The following IL1RAPL2 variants were observed in gnomAD, a reference collection of about 807,000 sequenced individuals.
The protein encoded by IL1RAPL2 is X-linked interleukin-1 receptor accessory protein-like 2.
A neutral mutation model predicts 44.1 loss-of-function variants in IL1RAPL2; 3 were observed. The ratio of observed to expected loss-of-function variants is 0.07; its 90% confidence interval spans 0.03 to 0.18. The LOEUF (loss-of-function observed/expected upper bound fraction) is 0.18. Ranked by LOEUF, IL1RAPL2 falls within the 10% of genes least tolerant of loss-of-function variation. The pLI is 1.00. For missense variants in IL1RAPL2, 391 were observed against 496.4 expected, an observed-to-expected ratio of 0.79 and a Z score of 2.02; for synonymous variants, 181 against 178.8, an observed-to-expected ratio of 1.01 and a Z score of -0.10.
chrX:105,704,367 G>A (rs2038145256), intron 6 of IL1RAPL2, among the ~76,000 whole-genome samples: 1 of 111,279 alleles, frequency 9.0e-6, no homozygotes, highest in Admixed American at 9.6e-5. Context: ...TAAGATATCT[G>A]CGTAATATAT....
chrX:104,862,011 C>T lies in IL1RAPL2; in HGVS notation c.82+203016C>T, dbSNP rs188396865. Among the ~76,000 whole-genome samples the T allele has an allele frequency of 3.3e-3, 363 of 110,156 alleles. 2 individuals carry two copies. Among genetic ancestry groups the T allele is most frequent in the Non-Finnish European group, 5.1e-3 (269 of 52,660 alleles). ...AATAGGAGTTTGTTAGGCAGACAAA[C>T]GGAAGGGGGAGGCATTCTAGGCATA... On this transcript the variant is annotated intron_variant, in intron 2 of 10. Transcript: ENST00000372582.
chrX:104,590,784 AT>A (rs1429407261), intron 1 of IL1RAPL2, among the ~76,000 whole-genome samples: 1 of 111,949 alleles, frequency 8.9e-6, no homozygotes, highest in Non-Finnish European at 1.9e-5. Context: ...AAAAAGAAAG[AT>A]TGTTTTAGAT....
intron 2 of IL1RAPL2, among the ~76,000 whole-genome samples, chrX:105,027,423 T>A (rs977448596): frequency 2.7e-5 from 3 of 111,286 alleles, no homozygotes; most frequent in African/African-American, 9.8e-5. Context: ...AAACTACCCA[T>A]CTGAGAAGGA....
Position 105,000,887 on chromosome X carries a change from T to C in IL1RAPL2, c.83-194588T>C, listed in dbSNP as rs775708574. Among the ~76,000 whole-genome samples, 3 of 111,366 alleles carry C rather than the reference T, an allele frequency of 2.7e-5. No homozygotes were observed. In the South Asian group the frequency reaches 1.1e-3, roughly 42 times the overall value. ...TCCAGATATAATGAGAATTTTGGCTTGCTGCCTTCCTGCCTTCAGCCTCCA... is the reference window on the plus strand; with the variant it reads ...TCCAGATATAATGAGAATTTTGGCTCGCTGCCTTCCTGCCTTCAGCCTCCA... On this transcript the variant is annotated intron_variant, in intron 2 of 10. Transcript: ENST00000372582.
At chrX:105,007,106 G>C (rs2030956778) in intron 2 of IL1RAPL2, among the ~76,000 whole-genome samples, 1 of 111,412 alleles carries the variant, frequency 9.0e-6, no homozygotes, top group African/African-American at 3.2e-5. Context: ...TGCTGAAGCA[G>C]ATATAAAGAT....
At chrX:104,644,531 G>C (rs148833574) in intron 1 of IL1RAPL2, among the ~76,000 whole-genome samples, 1,324 of 111,072 alleles carry the variant, frequency 0.012, 26 homozygotes, top group African/African-American at 0.041. Flanking sequence ...TCTTCCACTT[G>C]AGCTCCAGAA....
At chrX:104,936,995 G>A (rs1925045344) in intron 2 of IL1RAPL2, among the ~76,000 whole-genome samples, 1 of 111,757 alleles carries the variant, frequency 8.9e-6, no homozygotes. Flanking sequence ...GAGAGACTGG[G>A]CTCTGCCTCC....
chrX:105,026,667 A>G (rs1010841149), intron 2 of IL1RAPL2, among the ~76,000 whole-genome samples: 2 of 111,004 alleles, frequency 1.8e-5, no homozygotes, highest in African/African-American at 6.5e-5. Flanking sequence ...AAACTGTAAA[A>G]CACTGATGAA....
chrX:104,967,198 T>C (rs1346827402), intron 2 of IL1RAPL2, among the ~76,000 whole-genome samples: 1 of 112,105 alleles, frequency 8.9e-6, no homozygotes, highest in Non-Finnish European at 1.9e-5. Context: ...GAAATCCATA[T>C]AATACAGACC....
chrX:105,450,715 T>C (rs1374360414), intron 5 of IL1RAPL2, among the ~76,000 whole-genome samples: 1 of 112,000 alleles, frequency 8.9e-6, no homozygotes, highest in Non-Finnish European at 1.9e-5. Flanking sequence ...CTTTGAGTAA[T>C]ATAGAATAAT....
intron 2 of IL1RAPL2, among the ~76,000 whole-genome samples, chrX:105,015,159 G>T (rs1000807879): frequency 7.3e-4 from 77 of 105,616 alleles, no homozygotes; most frequent in Non-Finnish European, 1.2e-3. Context: ...TTTTGATGGG[G>T]TTTTTTTTTT....
chrX:105,116,789 C>T (rs1269578963), intron 2 of IL1RAPL2, among the ~76,000 whole-genome samples: 1 of 112,473 alleles, frequency 8.9e-6, no homozygotes, highest in East Asian at 2.8e-4. Flanking sequence ...CTTGTAGAGA[C>T]AAGGTTTTCA....
At position 105,068,899 on chromosome X, in the gene IL1RAPL2, C is replaced by T. The variant is rs77943657; in HGVS notation, c.83-126576C>T. 5.6e-4 allele frequency among the ~76,000 whole-genome samples: 63 copies of T among 111,699 alleles called. 2 individuals are homozygous for T. In the East Asian group the frequency reaches 0.017, roughly 29 times the overall value. On this transcript the variant is annotated intron_variant, in intron 2 of 10. Coordinates refer to ENST00000372582, the MANE Select transcript of IL1RAPL2 (RefSeq NM_017416.2). Reference sequence around the variant, plus strand: ...TGAGGCTATTGAAGCTGTATATGGTCGTATTATCAATAGAAGTGCCTTAAA... The same window carrying T: ...TGAGGCTATTGAAGCTGTATATGGTTGTATTATCAATAGAAGTGCCTTAAA...
intron 6 of IL1RAPL2, among the ~76,000 whole-genome samples, chrX:105,596,324 C>T (rs775660515): frequency 1.3e-4 from 14 of 110,226 alleles, no homozygotes; most frequent in Non-Finnish European, 2.7e-4. Context: ...GTATCCCAAA[C>T]ATGTTGGTAC....
intron 2 of IL1RAPL2, among the ~76,000 whole-genome samples, chrX:104,680,072 C>T (rs1475908176): frequency 1.8e-5 from 2 of 111,867 alleles, no homozygotes; most frequent in South Asian, 7.5e-4. Context: ...GTTTTTCAAT[C>T]CAGCCTTTTC....
intron 2 of IL1RAPL2, among the ~76,000 whole-genome samples, chrX:104,947,708 T>C (rs982794961): frequency 9.0e-6 from 1 of 111,499 alleles, no homozygotes; most frequent in Non-Finnish European, 1.9e-5. Context: ...GTCAGGTTTG[T>C]CAAAGATCAG....
intron 5 of IL1RAPL2, among the ~76,000 whole-genome samples, chrX:105,426,614 C>T (rs2035812510): frequency 9.1e-6 from 1 of 109,620 alleles, no homozygotes; most frequent in Admixed American, 9.7e-5. Context: ...TATTGCCTGC[C>T]CCCTCCCATT....
At chrX:105,005,408 T>C (rs2030924210) in intron 2 of IL1RAPL2, among the ~76,000 whole-genome samples, 1 of 111,457 alleles carries the variant, frequency 9.0e-6, no homozygotes, top group African/African-American at 3.3e-5. Flanking sequence ...GGGCATCACC[T>C]GGGAGCTCAT....
intron 2 of IL1RAPL2, among the ~76,000 whole-genome samples, chrX:104,810,237 G>A (rs780120813): frequency 9.1e-6 from 1 of 110,017 alleles, no homozygotes; most frequent in East Asian, 2.9e-4. Context: ...ACACAGGAAG[G>A]GGAACATCAC....
Sources: allele counts gnomAD v4.1 joint callset (sites outside exome capture counted in the v4.1 genomes callset), GRCh38; gene constraint gnomAD v4.1.1; transcripts MANE v1.5; gene names NCBI Gene and HGNC (gene_info 2026-07-23, HGNC 2026-07-21).